The following MOK variants were observed in gnomAD, a reference collection of about 807,000 sequenced individuals.
MOK encodes the protein MAPK/MAK/MRK overlapping kinase.
A neutral mutation model predicts 54.2 loss-of-function variants in MOK; 59 were observed. The ratio of observed to expected loss-of-function variants is 1.09; its 90% CI spans 0.88 to 1.35. MOK has a LOEUF of 1.35. Among genes scored for constraint, MOK ranks in the 40% most tolerant of loss-of-function variants. The pLI, the probability that MOK is intolerant of heterozygous loss-of-function variation, is 0.00. For missense variants in MOK, 517 were observed against 526.2 expected (o/e 0.98, Z 0.17); for synonymous variants, 210 against 202.7 (o/e 1.04, Z -0.31).
At chr14:102,244,777 A>G (rs1032039774) in intron 7 of MOK, among the ~76,000 whole-genome samples, 6 of 152,124 alleles carry the variant, frequency 3.9e-5, no homozygotes, top group African/African-American at 1.4e-4. Context: ...TCCCACCTCT[A>G]TACGGTCCAA....
chr14:102,237,220 G>A (rs565783071), intron 7 of MOK, among the ~76,000 whole-genome samples: 5 of 152,196 alleles, frequency 3.3e-5, no homozygotes, highest in African/African-American at 9.6e-5. Flanking sequence ...TTCCCTAGCC[G>A]TCTCCTTCAA....
the MOK span, among the ~76,000 whole-genome samples, chr14:102,218,973 G>A: frequency 5.3e-5 from 8 of 152,194 alleles, no homozygotes; most frequent in Non-Finnish European, 2.9e-5. Flanking sequence ...CCCATGAAAA[G>A]GAAGCAGAAG....
intron 8 of MOK, 121 bp downstream of exon 8, chr14:102,233,558 ACTTGAACCC>A (rs1363252388): frequency 1.4e-6 from 1 of 702,658 alleles, no homozygotes; most frequent in African/African-American, 1.8e-5. Flanking sequence ...CCTCAAGTGA[ACTTGAACCC>A]CTGTAGTCAG....
chr14:102,281,745 G>A (rs971909484), intron 2 of MOK, among the ~76,000 whole-genome samples: 1 of 152,060 alleles, frequency 6.6e-6, no homozygotes, highest in Non-Finnish European at 1.5e-5. Flanking sequence ...GCACCCAGCT[G>A]TCTGCTCTTT....
rs1256417723 is a variant in MOK, at chr14:102,231,945, G to C, written c.867-124C>G. On this transcript the variant is annotated intron_variant, in intron 9 of 11. Transcript: ENST00000361847. This position sits in a 1 kb window ranked among gnomAD's most constrained non-coding sequence, Gnocchi z 4.4. ...TGTCACTAGCTCTTCTTTTCTGCCT[G>C]AGCTGTAATCAGGAGCCTTTTTTTT... 1 of 730,488 alleles carries C rather than the reference G, an allele frequency of 1.4e-6. No homozygotes were observed. The highest frequency in any genetic ancestry group is 2.2e-6 in the Non-Finnish European group (1 of 453,932). 45.3% of individuals were successfully genotyped at this position (730,488 alleles called of 1,614,324 possible).
intron 7 of MOK, among the ~76,000 whole-genome samples, chr14:102,248,664 G>C (rs1383105945): frequency 6.6e-6 from 1 of 151,520 alleles, no homozygotes; most frequent in Non-Finnish European, 1.5e-5. Context: ...TGTAGTCCCA[G>C]CTACTCGGGA....
chr14:102,297,970 AC>A (rs1807897447), intron 1 of MOK, among the ~76,000 whole-genome samples: 1 of 151,980 alleles, frequency 6.6e-6, no homozygotes, highest in Middle Eastern at 3.2e-3. Context: ...GAGCCTCCCA[AC>A]CCCCGCTGTG....
chr14:102,274,104 C>T (rs1351863435), intron 2 of MOK, among the ~76,000 whole-genome samples: 15 of 151,702 alleles, frequency 9.9e-5, no homozygotes, highest in Non-Finnish European at 1.8e-4. Flanking sequence ...ACTATAGGCG[C>T]CTGCCACCAC....
chr14:102,243,628 C>T (rs1379207832), intron 7 of MOK, among the ~76,000 whole-genome samples: 2 of 152,180 alleles, frequency 1.3e-5, no homozygotes, highest in Non-Finnish European at 2.9e-5. Context: ...TTCAGCTGTA[C>T]TCACTCTTTG....
chr14:102,217,380 G>C, the MOK span, among the ~76,000 whole-genome samples: 3 of 152,204 alleles, frequency 2.0e-5, no homozygotes, highest in African/African-American at 7.2e-5. Context: ...CTTCATCTGC[G>C]TGGTCTTTCC....
rs150439170 is a variant in MOK, at chr14:102,261,828, C to T, written c.283+1718G>A. ...CTGGGATTACAGGCATAAGCCACCA[C>T]GCCCGGCCTTTTTTATTTTTTATTA... On this transcript the variant is annotated intron_variant, in intron 4 of 11. Coordinates refer to ENST00000361847, the MANE Select transcript of MOK (RefSeq NM_014226.3). Among the ~76,000 whole-genome samples, 853 of 151,968 alleles carry T rather than the reference C, an allele frequency of 5.6e-3. 16 individuals carry two copies. The highest frequency in any genetic ancestry group is 0.033 in the East Asian group (171 of 5,126).
Position 102,250,833 on chromosome 14 carries a change from C to G in MOK, c.569G>C (p.Cys190Ser), listed in dbSNP as rs1471693573. 6.2e-7 allele frequency: 1 copy of G among 1,613,912 alleles called. No individual in the cohort carries two copies. Among genetic ancestry groups the G allele is most frequent in the Non-Finnish European group, 8.5e-7 (1 of 1,179,906 alleles). ...TYKMDLWSAG[C>S]VFYEIASLQP... ...CTACCTGGCGATCTCGTAGAACACA[C>G]AGCCGGCGCTCCACAGGTCCATCTT... Residue 190 changes from cysteine (C) to serine (S), a missense_variant, in exon 7 of 12, where the codon TGT becomes TCT. By Grantham distance (112) the Cys-to-Ser change is moderately radical. Coordinates refer to ENST00000361847, the MANE Select transcript of MOK (RefSeq NM_014226.3).
chr14:102,250,964 A>T lies in MOK; in HGVS notation c.438T>A (p.Phe146Leu). ...IKQDVLKLGDFGSCRSVYSKQ... is the reference protein window; with the variant it reads ...IKQDVLKLGDLGSCRSVYSKQ... ...TGGAATAGACACTCCGGCAGGAGCC[A>T]AAGTCCCCTAATTTCAGGACATCCT... Residue 146 changes from phenylalanine (F) to leucine (L), a missense_variant, in exon 7 of 12, where the codon TTT becomes TTA. Transcript: ENST00000361847. The T allele has an allele frequency of 6.2e-7, 1 of 1,614,082 alleles. No individual in the cohort carries two copies.
chr14:102,280,491 C>T (rs2069301843), intron 2 of MOK, among the ~76,000 whole-genome samples: 1 of 152,152 alleles, frequency 6.6e-6, no homozygotes. Context: ...GATTACAAGG[C>T]ATGAGCCACC....
chr14:102,279,896 C>T (rs2069238531), intron 2 of MOK, among the ~76,000 whole-genome samples: 1 of 151,882 alleles, frequency 6.6e-6, no homozygotes, highest in East Asian at 1.9e-4. Flanking sequence ...TGAATTAAAG[C>T]ATAGGAAAGG....
intron 1 of MOK, among the ~76,000 whole-genome samples, chr14:102,286,441 C>A (rs967377201): frequency 1.3e-5 from 2 of 151,860 alleles, no homozygotes; most frequent in Non-Finnish European, 1.5e-5. Context: ...GCAACATAGA[C>A]CCCGTCTCTA....
chr14:102,267,323 T>C (rs1291901078), intron 2 of MOK, among the ~76,000 whole-genome samples: 7 of 152,218 alleles, frequency 4.6e-5, no homozygotes, highest in African/African-American at 1.7e-4. Context: ...CCCAGCACTT[T>C]GGGAGGCCAA....
intron 7 of MOK, chr14:102,247,271 G>A (rs2066166560): frequency 6.6e-6 from 1 of 152,202 alleles, no homozygotes; most frequent in Non-Finnish European, 1.5e-5. Context: ...GGATGCATGA[G>A]GACAACAAAA....
intron 4 of MOK, among the ~76,000 whole-genome samples, chr14:102,257,889 A>G (rs2067096183): frequency 6.6e-6 from 1 of 151,596 alleles, no homozygotes; most frequent in East Asian, 2.0e-4. Context: ...AGGCAGGAGA[A>G]TTGCTTGAAT....
Sources: allele counts gnomAD v4.1 joint callset (sites outside exome capture counted in the v4.1 genomes callset), GRCh38; gene constraint gnomAD v4.1.1; non-coding constraint Gnocchi (gnomAD v3.1); transcripts MANE v1.5; gene names NCBI Gene and HGNC (gene_info 2026-07-23, HGNC 2026-07-21).